The following PID1 variants were observed in gnomAD, a reference collection of about 807,000 sequenced individuals.
PID1 encodes PTB-containing, cubilin and LRP1-interacting protein.
PID1 carries 10 observed loss-of-function variants against 19.1 expected under a neutral mutation model. The ratio of observed to expected loss-of-function variants is 0.52; its 90% confidence interval spans 0.32 to 0.89. The LOEUF (loss-of-function observed/expected upper bound fraction) is 0.89, where lower values mean the gene tolerates loss of function less well. Among genes scored for constraint, PID1 ranks in the 40% least tolerant of loss-of-function variants. The probability of loss-of-function intolerance (pLI) is 0.03; values close to 1 mark genes in which losing one functional copy is unlikely to be tolerated. For missense variants in PID1, 248 were observed against 285.3 expected (o/e 0.87, Z 0.94); for synonymous variants, 130 against 116.0 (o/e 1.12, Z -0.78).
intron 1 of PID1, among the ~76,000 whole-genome samples, chr2:229,214,855 C>T (rs1691812729): frequency 1.4e-5 from 2 of 147,344 alleles, no homozygotes; most frequent in Admixed American, 1.4e-4. Context: ...TATATAGATA[C>T]ACACACACAC....
Position 229,148,141 on chromosome 2 carries a change from G to C in PID1, c.177+7677C>G, listed in dbSNP as rs150234972. On this transcript the variant is annotated intron_variant, in intron 2 of 2. Transcript: ENST00000392055. Reference sequence around the variant, plus strand: ...GAAGTTTTAATTCCTAGTATGAAAAGATTTTAGTCAATAAATAACAAAAGT... The same window carrying C: ...GAAGTTTTAATTCCTAGTATGAAAACATTTTAGTCAATAAATAACAAAAGT... Among the ~76,000 whole-genome samples, 486 of 152,282 alleles carry C rather than the reference G, an allele frequency of 3.2e-3. 1 individual carries two copies. The highest frequency in any genetic ancestry group is 0.01 in the Middle Eastern group (3 of 294).
At chr2:229,046,347 AGTGTGT>A (rs35091766) in intron 2 of PID1, among the ~76,000 whole-genome samples, 143 of 141,372 alleles carry the variant, frequency 1.0e-3, no homozygotes, top group African/African-American at 2.7e-3. Context: ...AAATTAGGAA[AGTGTGT>A]GTGTGTGTGT....
intron 2 of PID1, among the ~76,000 whole-genome samples, chr2:229,140,452 C>T (rs1189030268): frequency 6.6e-6 from 1 of 151,400 alleles, no homozygotes; most frequent in Non-Finnish European, 1.5e-5. Context: ...GACATTCCTA[C>T]AAATAAATGA....
intron 2 of PID1, among the ~76,000 whole-genome samples, chr2:229,026,590 T>G (rs766824012): frequency 3.4e-4 from 52 of 152,242 alleles, no homozygotes; most frequent in Non-Finnish European, 2.1e-4. Context: ...AATGTTTGAT[T>G]TCACTTAGGC....
At position 229,032,908 on chromosome 2, in the gene PID1, G is replaced by A. The variant is rs188350078; in HGVS notation, c.178-6800C>T. On this transcript the variant is annotated intron_variant, in intron 2 of 2. Transcript: ENST00000392055. Reference sequence around the variant, plus strand: ...GAGAGGCTGTGAAGCCAAGGGACCCGCCAGAGTGTCTGCAGTGTTAACAGC... The same window carrying A: ...GAGAGGCTGTGAAGCCAAGGGACCCACCAGAGTGTCTGCAGTGTTAACAGC... Among the ~76,000 whole-genome samples the A allele has an allele frequency of 4.2e-4, 64 of 152,222 alleles. 1 individual carries two copies. In the Middle Eastern group the frequency reaches 0.017, roughly 40 times the overall value.
chr2:229,181,788 T>G (rs1574697988), intron 1 of PID1, among the ~76,000 whole-genome samples: 1 of 152,370 alleles, frequency 6.6e-6, no homozygotes, highest in Middle Eastern at 3.4e-3. Context: ...TGATGAAGAC[T>G]TAAGAAAGCA....
intron 2 of PID1, among the ~76,000 whole-genome samples, chr2:229,102,352 G>A (rs1042417959): frequency 2.6e-5 from 4 of 152,038 alleles, no homozygotes; most frequent in African/African-American, 7.2e-5. Flanking sequence ...ACTGTTCTAA[G>A]CCATTATGTT....
intron 1 of PID1, among the ~76,000 whole-genome samples, chr2:229,203,755 C>A (rs1407801123): frequency 6.6e-6 from 1 of 152,038 alleles, no homozygotes; most frequent in African/African-American, 2.4e-5. Context: ...GGTGGACATA[C>A]CCAGCTCCTT....
chr2:229,204,793 G>A (rs775197172), intron 1 of PID1, among the ~76,000 whole-genome samples: 1 of 152,032 alleles, frequency 6.6e-6, no homozygotes, highest in Admixed American at 6.6e-5. Flanking sequence ...TGGGTGGTAC[G>A]GGTGGTCTTC....
At chr2:229,079,506 C>T (rs550280241) in intron 2 of PID1, among the ~76,000 whole-genome samples, 1 of 152,288 alleles carries the variant, frequency 6.6e-6, no homozygotes, top group South Asian at 2.1e-4. Flanking sequence ...GTCTTTCTAT[C>T]CTCTCTAGTT....
rs150701851 is a variant in PID1 at position 229,041,879 on chromosome 2, T to A, written c.178-15771A>T. 4.4e-3 allele frequency among the ~76,000 whole-genome samples: 662 copies of A among 152,068 alleles called. 3 individuals are homozygous for A. The highest frequency in any genetic ancestry group is 6.5e-3 in the Non-Finnish European group (442 of 68,010). On this transcript the variant is annotated intron_variant, in intron 2 of 2. Transcript: ENST00000392055. The stretch of plus-strand genomic sequence containing the variant: ...CAGAAAGACTGAGAAAGAATAAAGA[T>A]CTGCTCCAGATTAAAGGACATTAAT...
At chr2:229,227,991 C>A (rs960805230) in intron 1 of PID1, 8 of 455,834 alleles carry the variant, frequency 1.8e-5, no homozygotes, top group Admixed American at 1.6e-4. Context: ...TTGGTATTCA[C>A]AAGAGGTCCT....
intron 2 of PID1, among the ~76,000 whole-genome samples, chr2:229,079,482 C>G (rs1316207839): frequency 6.6e-6 from 1 of 152,166 alleles, no homozygotes; most frequent in South Asian, 2.1e-4. Context: ...TTTCCTTAAG[C>G]TGCTATACTA....
chr2:229,096,863 C>A (rs1003511316), intron 2 of PID1, among the ~76,000 whole-genome samples: 1 of 152,090 alleles, frequency 6.6e-6, no homozygotes, highest in South Asian at 2.1e-4. Flanking sequence ...GATCTCAAGA[C>A]AAGGGCTCTG....
At chr2:229,049,071 C>T (rs1693939438) in intron 2 of PID1, among the ~76,000 whole-genome samples, 1 of 152,130 alleles carries the variant, frequency 6.6e-6, no homozygotes, top group South Asian at 2.1e-4. Context: ...TGACTATGGG[C>T]ATCTTTAAGA....
At chr2:229,127,129 T>C (rs1695638362) in intron 2 of PID1, among the ~76,000 whole-genome samples, 1 of 152,196 alleles carries the variant, frequency 6.6e-6, no homozygotes, top group Admixed American at 6.5e-5. Context: ...ATCTCAATCA[T>C]TTAGGACACC....
intron 2 of PID1, among the ~76,000 whole-genome samples, chr2:229,090,299 T>C (rs1197314210): frequency 6.6e-6 from 1 of 152,234 alleles, no homozygotes; most frequent in Admixed American, 6.5e-5. Context: ...ATCTACAGAA[T>C]AACAGACTAA....
At chr2:229,125,912 G>A (rs575521508) in intron 2 of PID1, among the ~76,000 whole-genome samples, 2 of 152,218 alleles carry the variant, frequency 1.3e-5, no homozygotes, top group East Asian at 1.9e-4. Flanking sequence ...CTGTTTCTCG[G>A]CAACAAAGTT....
chr2:229,168,996 T>G (rs1386532710), intron 1 of PID1, among the ~76,000 whole-genome samples: 1 of 152,168 alleles, frequency 6.6e-6, no homozygotes, highest in African/African-American at 2.4e-5. Flanking sequence ...TATGCTACTC[T>G]CAGCTTTCTT....
Sources: allele counts gnomAD v4.1 joint callset (sites outside exome capture counted in the v4.1 genomes callset), GRCh38; gene constraint gnomAD v4.1.1; transcripts MANE v1.5; gene names NCBI Gene and HGNC (gene_info 2026-07-23, HGNC 2026-07-21).